Variants in MICALL1 observed in about 807,000 individuals in gnomAD.
MICALL1 encodes MICAL-like protein 1.
MICALL1 carries 61 observed loss-of-function variants against 83.7 expected under a neutral mutation model. The observed-to-expected ratio is 0.73, with a 90% confidence interval of 0.59 to 0.90. The LOEUF (loss-of-function observed/expected upper bound fraction) is 0.90, where lower values mean the gene tolerates loss of function less well. Among genes scored for constraint, MICALL1 ranks in the 40% least tolerant of loss-of-function variants. MICALL1 has a pLI of 0.00. For missense variants in MICALL1, 1,066 were observed against 1,152.0 expected (o/e 0.93, Z 1.08); for synonymous variants, 481 against 473.6 (o/e 1.02, Z -0.20).
At chr22:37,940,686 G>C (rs751792140) in intron 15 of MICALL1, 23 bp from the exon 16 acceptor site, 32 of 1,612,798 alleles carry the variant, frequency 2.0e-5, no homozygotes, top group Non-Finnish European at 2.5e-5. Context: ...ACTTTATTAA[G>C]TGCTCCCCTC....
chr22:37,919,515 A>G (rs1019783721), intron 5 of MICALL1, among the ~76,000 whole-genome samples: 2 of 151,966 alleles, frequency 1.3e-5, no homozygotes, highest in African/African-American at 4.8e-5. Context: ...GCACACCTCT[A>G]ATCCCAGCTA....
rs1929359737 is a variant in MICALL1, at chr22:37,925,465, G to T, written c.1083-196G>T. Among the ~76,000 whole-genome samples, 3 of 152,090 alleles carry T rather than the reference G, an allele frequency of 2.0e-5. 1 individual carries two copies. Among genetic ancestry groups the T allele is most frequent in the African/African-American group, 7.2e-5 (3 of 41,398 alleles). ...TTAACAGCAGCTCTGTGACTTGAAG[G>T]TTCACATTCTCTGGGCCTCAAAGGC... On this transcript the variant is annotated intron_variant, in intron 7 of 15. Transcript: ENST00000215957.
intron 2 of MICALL1, 67 bp downstream of exon 2, chr22:37,912,067 G>GT: frequency 6.5e-7 from 1 of 1,545,680 alleles, no homozygotes; most frequent in Non-Finnish European, 8.9e-7. Flanking sequence ...GTGTGTGTTT[G>GT]GTGGGGAGGG....
chr22:37,911,800 G>A (rs987595266), intron 1 of MICALL1, 152 bp from the exon 2 acceptor site: 197 of 750,854 alleles, frequency 2.6e-4, no homozygotes, highest in Admixed American at 4.2e-4. Flanking sequence ...TTCCCCCTTA[G>A]TAATCCACAG....
intron 14 of MICALL1, among the ~76,000 whole-genome samples, chr22:37,937,418 CTTTTTT>C (rs34844677): frequency 4.4e-5 from 5 of 113,404 alleles, no homozygotes; most frequent in Non-Finnish European, 8.9e-5. Context: ...GCTGCCGCTG[CTTTTTT>C]TTTTTTTTTT....
chr22:37,919,317 A>T, intron 5 of MICALL1, 139 bp downstream of exon 5: 2 of 1,120,152 alleles, frequency 1.8e-6, no homozygotes, highest in Non-Finnish European at 2.4e-6. Context: ...TGATGAGCAA[A>T]CCAAGGCTTA....
rs1929817742 is a variant in MICALL1 at position 37,932,014 on chromosome 22, T to C, written c.2016+81T>C. ...TGCAGCTGCAGTCTTCCCCTGGGAC[T>C]CTAAGGAGGCTGGCTGGCTAGGCAG... On this transcript the variant is annotated intron_variant, in intron 10 of 15. Transcript: ENST00000215957. The surrounding 1 kb of genome is among the most constrained non-coding windows in gnomAD (Gnocchi z 4.4). 9 of 1,545,674 alleles carry C rather than the reference T, an allele frequency of 5.8e-6. No homozygotes were observed. The highest frequency in any genetic ancestry group is 7.8e-6 in the Non-Finnish European group (9 of 1,150,688).
In MICALL1 at chr22:37,919,189, A is replaced by G; in HGVS notation, c.569+11A>G. ...TCGCCACTGCTTCCGGTGAGTGGCCAGGGCCGCGTGTTACCCCCGAAACCA... is the reference window on the plus strand; with the variant it reads ...TCGCCACTGCTTCCGGTGAGTGGCCGGGGCCGCGTGTTACCCCCGAAACCA... On this transcript the variant is annotated intron_variant, in intron 5 of 15. Transcript: ENST00000215957. 2 of 1,516,950 alleles carry G rather than the reference A, an allele frequency of 1.3e-6. No homozygotes were observed. The highest frequency in any genetic ancestry group is 1.8e-6 in the Non-Finnish European group (2 of 1,124,450). 94.0% of individuals were successfully genotyped at this position (1,516,950 alleles called of 1,614,324 possible).
chr22:37,937,961 A>G, intron 15 of MICALL1, 169 bp downstream of exon 15: 1 of 832,120 alleles, frequency 1.2e-6, no homozygotes, highest in Admixed American at 2.2e-5. Flanking sequence ...AAGAGAGGCC[A>G]GCATACAGCC....
chr22:37,922,473 T>C, intron 6 of MICALL1, 47 bp downstream of exon 6: 1 of 1,392,674 alleles, frequency 7.2e-7, no homozygotes, highest in Non-Finnish European at 9.5e-7. Context: ...GGCAGTGCAC[T>C]GTCTATTGAA....
At chr22:37,926,967 G>A in intron 8 of MICALL1, 1 of 186,200 alleles carries the variant, frequency 5.4e-6, no homozygotes. Flanking sequence ...TAATGTGTTT[G>A]GAAGCATCAT....
At position 37,924,569 on chromosome 22, in the gene MICALL1, G is replaced by A. The variant is rs1569142756; in HGVS notation, c.1025-91G>A. 7.1e-6 allele frequency: 9 copies of A among 1,273,994 alleles called. No homozygotes were observed. The highest frequency in any genetic ancestry group is 5.3e-5 in the South Asian group (4 of 75,662). 78.9% of individuals were successfully genotyped at this position (1,273,994 alleles called of 1,614,324 possible). On this transcript the variant is annotated intron_variant, in intron 6 of 15. Transcript: ENST00000215957. The surrounding 1 kb of genome is among the most constrained non-coding windows in gnomAD (Gnocchi z 5.2). Reference sequence around the variant, plus strand: ...GAGGGTGCCAGGAGGAAGGCGGGGCGCTCCTGGGGAGGCAGGTGCTGTGGC... The same window carrying A: ...GAGGGTGCCAGGAGGAAGGCGGGGCACTCCTGGGGAGGCAGGTGCTGTGGC...
rs369125202 is a variant in MICALL1 at position 37,941,090 on chromosome 22, C to T, written c.*260C>T. 15 of 379,790 alleles carry T rather than the reference C, an allele frequency of 3.9e-5. No individual in the cohort carries two copies. The highest frequency in any genetic ancestry group is 5.9e-5 in the Non-Finnish European group (12 of 202,130). 23.5% of individuals were successfully genotyped at this position (379,790 alleles called of 1,614,324 possible). A position where few individuals can be genotyped will look rare whatever the true frequency, so the allele number is the denominator to read the frequency against. ...ATTCTGATGACTGCGGATGCTGTGA[C>T]GGACCCAAGGGGCAAATAGGGTCCC... On this transcript the variant is annotated 3_prime_UTR_variant, in exon 16 of 16. Coordinates refer to ENST00000215957, the MANE Select transcript of MICALL1 (RefSeq NM_033386.4).
In MICALL1 at chr22:37,924,769, A is replaced by G. The variant is rs1288558173; in HGVS notation, c.1082+52A>G. On this transcript the variant is annotated intron_variant, in intron 7 of 15. Coordinates refer to ENST00000215957, the MANE Select transcript of MICALL1 (RefSeq NM_033386.4). The surrounding 1 kb of genome is among the most constrained non-coding windows in gnomAD (Gnocchi z 5.2). ...TGCTTTGGAGGTCCTGGTGGTGGGAATCAGGGTACTCTGGGGCCGGGTAGG... is the reference window on the plus strand; with the variant it reads ...TGCTTTGGAGGTCCTGGTGGTGGGAGTCAGGGTACTCTGGGGCCGGGTAGG... 6.3e-7 allele frequency: 1 copy of G among 1,585,586 alleles called. No individual in the cohort carries two copies. The highest frequency in any genetic ancestry group is 8.6e-7 in the Non-Finnish European group (1 of 1,158,654).
rs141066195 is a variant in MICALL1, at chr22:37,922,032, C to T, written c.630C>T (p.Gly210=). 278 of 1,612,190 alleles carry T rather than the reference C, an allele frequency of 1.7e-4. No homozygotes were observed. The highest frequency in any genetic ancestry group is 2.3e-4 in the Non-Finnish European group (274 of 1,179,142). The change falls in exon 6 of 16, where the codon GGC becomes GGT. Residue 210 remains glycine (G), a synonymous_variant. Coordinates refer to ENST00000215957, the MANE Select transcript of MICALL1 (RefSeq NM_033386.4). ...CTTATGAGAATGGGCCTGAGGAGGG[C>T]ACCTTTGTGTGTGCAGAACACTGTG... is the stretch of plus-strand genomic sequence containing the variant. The part of the protein sequence containing the change: ...PGAYENGPEE[G]TFVCAEHCAR...
chr22:37,937,624 A>C, intron 14 of MICALL1, 122 bp from the exon 15 acceptor site: 1 of 937,676 alleles, frequency 1.1e-6, no homozygotes, highest in South Asian at 1.5e-5. Context: ...GGGTTTCACC[A>C]TGTTGGCTAG....
At chr22:37,909,397 C>A (rs1928173801) in intron 1 of MICALL1, among the ~76,000 whole-genome samples, 1 of 147,292 alleles carries the variant, frequency 6.8e-6, no homozygotes, top group Non-Finnish European at 1.5e-5. Context: ...CTCGCTCTGT[C>A]AGCCAAGCTG....
chr22:37,932,529 A>G lies in MICALL1; in HGVS notation c.2017-24A>G, dbSNP rs780785628. On this transcript the variant is annotated intron_variant, in intron 10 of 15. Coordinates refer to ENST00000215957, the MANE Select transcript of MICALL1 (RefSeq NM_033386.4). This position sits in a 1 kb window ranked among gnomAD's most constrained non-coding sequence, Gnocchi z 4.4. ...CCTGGCAGCAACCAGGCAGGCCGTC[A>G]GGTGACCAGGCACTGTTGGGCAGGT... 5.6e-6 allele frequency: 9 copies of G among 1,611,922 alleles called. No homozygotes were observed. In the African/African-American group the frequency reaches 6.7e-5, roughly 12 times the overall value.
Position 37,932,063 on chromosome 22 carries a change from C to T in MICALL1, c.2016+130C>T, listed in dbSNP as rs949701560. 1.1e-5 allele frequency: 15 copies of T among 1,364,930 alleles called. No homozygotes were observed. Among genetic ancestry groups the T allele is most frequent in the Non-Finnish European group, 2.9e-6 (3 of 1,019,982 alleles). The allele number at this position is 1,364,930 out of a possible 1,614,324, so 84.6% of individuals were successfully genotyped here. A position where few individuals can be genotyped will look rare whatever the true frequency, so the allele number is the denominator to read the frequency against. Reference sequence around the variant, plus strand: ...AGTGGGCCTCAGATGCTCAAGAGAGCACTCTTGGCGGCCCAACTGGAAGGT... The same window carrying T: ...AGTGGGCCTCAGATGCTCAAGAGAGTACTCTTGGCGGCCCAACTGGAAGGT... On this transcript the variant is annotated intron_variant, in intron 10 of 15. Transcript: ENST00000215957. This position sits in a 1 kb window ranked among gnomAD's most constrained non-coding sequence, Gnocchi z 4.4.
Sources: allele counts gnomAD v4.1 joint callset (sites outside exome capture counted in the v4.1 genomes callset), GRCh38; gene constraint gnomAD v4.1.1; non-coding constraint Gnocchi (gnomAD v3.1); transcripts MANE v1.5; gene names NCBI Gene and HGNC (gene_info 2026-07-23, HGNC 2026-07-21).